Variants in CNTLN observed in about 807,000 individuals in gnomAD.
CNTLN encodes the protein centlein.
CNTLN carries 212 observed loss-of-function variants against 180.0 expected under a neutral mutation model. The ratio of observed to expected loss-of-function variants is 1.18; its 90% confidence interval spans 1.05 to 1.32. CNTLN has a LOEUF of 1.32. Ranked by LOEUF, CNTLN falls within the 40% of genes most tolerant of loss-of-function variation. The pLI is 0.00. For synonymous variants in CNTLN, 722 were observed against 563.1 expected (o/e 1.28, Z -3.99); for missense variants, 2,095 against 1,610.9 (o/e 1.30, Z -5.14).
the CNTLN span, among the ~76,000 whole-genome samples, chr9:17,513,638 A>G: frequency 6.6e-6 from 1 of 152,134 alleles, no homozygotes; most frequent in Non-Finnish European, 1.5e-5. Flanking sequence ...TTGAGGCTGC[A>G]GTGAGCTGTG....
At chr9:17,242,535 T>C (rs2132207520) in intron 5 of CNTLN, among the ~76,000 whole-genome samples, 1 of 152,294 alleles carries the variant, frequency 6.6e-6, no homozygotes, top group Non-Finnish European at 1.5e-5. Flanking sequence ...GGTCTCGAAC[T>C]CCTGACCTCA....
intron 16 of CNTLN, among the ~76,000 whole-genome samples, chr9:17,409,706 C>A (rs2133844522): frequency 7.1e-6 from 1 of 140,854 alleles, no homozygotes; most frequent in South Asian, 2.5e-4. Context: ...GTATTTATAT[C>A]TCAGCAAAAA....
chr9:17,434,002 C>T (rs1829600494), intron 18 of CNTLN, among the ~76,000 whole-genome samples: 2 of 119,244 alleles, frequency 1.7e-5, no homozygotes, highest in Admixed American at 1.7e-4. Context: ...TAATAGGTTT[C>T]CTTATGCTGA....
chr9:17,407,507 A>T (rs2133827261), intron 15 of CNTLN, among the ~76,000 whole-genome samples: 1 of 152,328 alleles, frequency 6.6e-6, no homozygotes, highest in East Asian at 1.9e-4. Flanking sequence ...ATCCCCAAAG[A>T]TCTCAGTAGA....
At chr9:17,333,560 A>G (rs1464592402) in intron 10 of CNTLN, among the ~76,000 whole-genome samples, 2 of 152,160 alleles carry the variant, frequency 1.3e-5, no homozygotes, top group Non-Finnish European at 2.9e-5. Flanking sequence ...TCTTAAGGAG[A>G]TAAATGTTCA....
chr9:17,321,718 C>A (rs1256161120), intron 8 of CNTLN, among the ~76,000 whole-genome samples: 2 of 152,130 alleles, frequency 1.3e-5, no homozygotes, highest in African/African-American at 4.8e-5. Flanking sequence ...AGTACCTTTA[C>A]TTGGGCTCAG....
chr9:17,310,892 A>C (rs547344774), intron 8 of CNTLN, among the ~76,000 whole-genome samples: 1 of 151,914 alleles, frequency 6.6e-6, no homozygotes, highest in Non-Finnish European at 1.5e-5. Context: ...ATTTTTTCTT[A>C]CTGATTTTCA....
chr9:17,312,384 A>ATAATATATATATATATATT (rs1563985021), intron 8 of CNTLN, among the ~76,000 whole-genome samples: 188 of 107,994 alleles, frequency 1.7e-3, no homozygotes, highest in African/African-American at 6.6e-3. Flanking sequence ...ATATATATAT[A>ATAATATATATATATATATT]ATTTATTTAT....
intron 24 of CNTLN, among the ~76,000 whole-genome samples, chr9:17,486,307 A>G (rs1372715550): frequency 3.7e-5 from 2 of 54,196 alleles, no homozygotes; most frequent in Non-Finnish European, 1.4e-4. Context: ...TTCAACAAAT[A>G]ATAGTTTCTC....
At chr9:17,476,340 A>G (rs1832345249) in intron 23 of CNTLN, among the ~76,000 whole-genome samples, 1 of 152,166 alleles carries the variant, frequency 6.6e-6, no homozygotes, top group Admixed American at 6.5e-5. Flanking sequence ...AGGCCAACTA[A>G]TAATTCTGTA....
At chr9:17,158,603 G>A (rs1473262484) in intron 2 of CNTLN, among the ~76,000 whole-genome samples, 1 of 151,860 alleles carries the variant, frequency 6.6e-6, no homozygotes, top group African/African-American at 2.4e-5. Flanking sequence ...AGTCAGTTTT[G>A]GTAGTTTGTG....
intron 1 of CNTLN, among the ~76,000 whole-genome samples, chr9:17,138,613 T>C (rs931850972): frequency 1.1e-4 from 17 of 152,206 alleles, no homozygotes; most frequent in East Asian, 3.8e-4. Flanking sequence ...GCGAGTCTTT[T>C]TGTGAAATTA....
chr9:17,412,639 C>T (rs1827938614), intron 16 of CNTLN, among the ~76,000 whole-genome samples: 1 of 151,992 alleles, frequency 6.6e-6, no homozygotes, highest in African/African-American at 2.4e-5. Flanking sequence ...TGATTTTGCC[C>T]AGCTGTAGGC....
intron 8 of CNTLN, among the ~76,000 whole-genome samples, chr9:17,314,140 G>T (rs1354946206): frequency 6.6e-6 from 1 of 152,086 alleles, no homozygotes; most frequent in Non-Finnish European, 1.5e-5. Flanking sequence ...TGCCCAACTT[G>T]CTCTTAAGTC....
chr9:17,510,362 T>G, the CNTLN span, among the ~76,000 whole-genome samples: 7 of 152,312 alleles, frequency 4.6e-5, no homozygotes, highest in Non-Finnish European at 1.0e-4. Context: ...TATTTTGAAA[T>G]GAATATGTTT....
intron 18 of CNTLN, among the ~76,000 whole-genome samples, chr9:17,418,972 TG>T (rs1450642076): frequency 6.6e-6 from 1 of 152,124 alleles, no homozygotes; most frequent in African/African-American, 2.4e-5. Flanking sequence ...TTTAAACCAT[TG>T]TAGAATTTCC....
chr9:17,341,066 T>A, intron 11 of CNTLN, 118 bp downstream of exon 11: 1 of 900,734 alleles, frequency 1.1e-6, no homozygotes. Context: ...TAGTCAAATC[T>A]TTATTGTGAA....
intron 2 of CNTLN, among the ~76,000 whole-genome samples, chr9:17,172,775 G>T (rs1211098067): frequency 6.6e-6 from 1 of 152,092 alleles, no homozygotes; most frequent in African/African-American, 2.4e-5. Context: ...AGGTTTCAGT[G>T]CACTTTATTG....
At chr9:17,336,198 A>G (rs1400598279) in intron 10 of CNTLN, among the ~76,000 whole-genome samples, 1 of 152,108 alleles carries the variant, frequency 6.6e-6, no homozygotes, top group African/African-American at 2.4e-5. Flanking sequence ...TTTGCTTACT[A>G]TTTGTCAAAG....
Sources: allele counts gnomAD v4.1 joint callset (sites outside exome capture counted in the v4.1 genomes callset), GRCh38; gene constraint gnomAD v4.1.1; transcripts MANE v1.5; gene names NCBI Gene and HGNC (gene_info 2026-07-23, HGNC 2026-07-21).